Variants in KIR3DL1 observed in about 807,000 individuals in gnomAD.
KIR3DL1 encodes killer cell immunoglobulin like receptor, three Ig domains and long cytoplasmic tail 1, also known as killer cell immunoglobulin-like receptor 3DL1.
KIR3DL1 carries 50 observed loss-of-function variants against 40.3 expected under a neutral mutation model. That is an observed-to-expected ratio of 1.24 (90% CI 0.99 to 1.57). The LOEUF (loss-of-function observed/expected upper bound fraction) is 1.57, where lower values mean the gene tolerates loss of function less well. KIR3DL1 is among the 40% of genes most tolerant of loss of function. KIR3DL1 has a pLI of 0.00. For missense variants in KIR3DL1, 661 were observed against 559.9 expected, an observed-to-expected ratio of 1.18 and a Z score of -1.82; for synonymous variants, 257 against 207.2, an observed-to-expected ratio of 1.24 and a Z score of -2.07.
At chr19:54,826,028 G>C (rs1440424410) in intron 6 of KIR3DL1, among the ~76,000 whole-genome samples, 4 of 151,284 alleles carry the variant, frequency 2.6e-5, no homozygotes, top group Non-Finnish European at 5.9e-5. Flanking sequence ...GGATACCCTT[G>C]TTTTAAGTTC....
At chr19:54,830,317 C>A (rs752918235) in exon 9 of KIR3DL1, 3 of 1,504,734 alleles carry the variant, frequency 2.0e-6, no homozygotes, top group East Asian at 4.7e-5. Context: ...AGGGAGACAA[C>A]AGCCCTGTCT....
In KIR3DL1 at chr19:54,820,049, G is replaced by A. The variant is rs750949134; in HGVS notation, c.655+37G>A. On this transcript the variant is annotated intron_variant, in intron 4 of 8. Transcript: ENST00000391728. ...TAGACATTGTTCTCATTGTCACTGG[G>A]ACACAGAGTGAATGATCCAGGACTT... 4.4e-6 allele frequency: 7 copies of A among 1,590,760 alleles called. No homozygotes were observed. In the African/African-American group the frequency reaches 5.4e-5, roughly 12 times the overall value.
At position 54,826,124 on chromosome 19, in the gene KIR3DL1, G is replaced by A. The variant is rs1316067582; in HGVS notation, c.1000+1046G>A. ...GATATTCACAAGCTATGGAGGCCAG[G>A]ACAGGGACATTTTGGGGTGGGACAG... On this transcript the variant is annotated intron_variant, in intron 6 of 8. Coordinates refer to ENST00000391728, the Ensembl canonical transcript of KIR3DL1. 5.3e-5 allele frequency among the ~76,000 whole-genome samples: 8 copies of A among 150,642 alleles called. No homozygotes were observed. The East Asian group carries it at 1.6e-3, about 29-fold the overall frequency.
exon 9 of KIR3DL1, chr19:54,830,647 G>C (rs571018876): frequency 1.1e-5 from 3 of 261,992 alleles, no homozygotes; most frequent in Admixed American, 5.5e-5. Context: ...CCCACGTGCT[G>C]TTCCACCTTC....
exon 9 of KIR3DL1, chr19:54,830,377 G>C (rs114206508): frequency 0.19 from 241,461 of 1,286,114 alleles, 50,280 homozygotes; most frequent in Non-Finnish European, 0.21. Flanking sequence ...ATCTGAAGGC[G>C]TGAGTCTTCA....
At chr19:54,820,457 T>C (rs2061578249) in intron 4 of KIR3DL1, among the ~76,000 whole-genome samples, 2 of 151,502 alleles carry the variant, frequency 1.3e-5, no homozygotes, top group Non-Finnish European at 2.9e-5. Flanking sequence ...AGATGCCGTG[T>C]TTATTCTGAC....
chr19:54,819,603 G>C, intron 3 of KIR3DL1, 110 bp from the exon 4 acceptor site: 2 of 1,301,270 alleles, frequency 1.5e-6, no homozygotes, highest in Non-Finnish European at 2.1e-6. Context: ...CGGAGATGCA[G>C]AGAGGGAGGA....
intron 4 of KIR3DL1, among the ~76,000 whole-genome samples, chr19:54,820,762 GA>G (rs1228726579): frequency 6.6e-6 from 1 of 150,966 alleles, no homozygotes; most frequent in Non-Finnish European, 1.5e-5. Flanking sequence ...AAGGAGGAGA[GA>G]AAAGCCCCAA....
intron 5 of KIR3DL1, among the ~76,000 whole-genome samples, chr19:54,822,087 G>C (rs1423934159): frequency 6.6e-6 from 1 of 151,070 alleles, no homozygotes; most frequent in South Asian, 2.1e-4. Context: ...TGGAGAAAGC[G>C]GTCAGGACAG....
intron 4 of KIR3DL1, among the ~76,000 whole-genome samples, chr19:54,821,308 C>A (rs1375262249): frequency 2.0e-5 from 3 of 150,840 alleles, no homozygotes; most frequent in Non-Finnish European, 2.9e-5. Context: ...TCAAGTCAAC[C>A]AATCCAAGGA....
exon 9 of KIR3DL1, chr19:54,830,415 A>C: frequency 1.9e-6 from 2 of 1,043,296 alleles, no homozygotes; most frequent in Non-Finnish European, 2.8e-6. Context: ...TCCTCACGCC[A>C]CAAATCTGGT....
chr19:54,823,477 A>G (rs1233809292), intron 5 of KIR3DL1, among the ~76,000 whole-genome samples: 2 of 150,882 alleles, frequency 1.3e-5, no homozygotes, highest in African/African-American at 2.4e-5. Context: ...AGTAAAAGCC[A>G]TTTTACTTTA....
intron 7 of KIR3DL1, among the ~76,000 whole-genome samples, 198 bp from the exon 8 acceptor site, chr19:54,829,730 C>T (rs113530594): frequency 0.2 from 25,680 of 130,010 alleles, 3,827 homozygotes; most frequent in Middle Eastern, 0.29. Flanking sequence ...AAGTGGGAGA[C>T]AGAATCAATG....
At chr19:54,830,635 T>TA (rs2148223010) in exon 9 of KIR3DL1, 1 of 285,800 alleles carries the variant, frequency 3.5e-6, no homozygotes, top group African/African-American at 2.3e-5. Flanking sequence ...ACGTGGCACT[T>TA]ACCCACGTGC....
chr19:54,829,436 T>C lies in KIR3DL1; in HGVS notation c.1076T>C (p.Leu359Pro). ...CTCTTCATCCTCCTCCTCTTCTTTC[T>C]CCTTCATCTCTGGTGCTCCAACAAA... is the stretch of plus-strand genomic sequence containing the variant. The change falls in exon 7 of 9, where the codon CTC (leucine) becomes CCC (proline). Residue 359 changes from leucine to proline, a missense_variant. Leu to Pro is a moderately conservative substitution (Grantham distance 98). Transcript: ENST00000391728. The C allele has an allele frequency of 1.3e-6, 2 of 1,502,096 alleles. 1 individual carries two copies. The highest frequency in any genetic ancestry group is 1.8e-6 in the Non-Finnish European group (2 of 1,106,238). 93.0% of individuals were successfully genotyped at this position (1,502,096 alleles called of 1,614,324 possible).
At chr19:54,821,433 G>A in intron 4 of KIR3DL1, 132 bp from the exon 5 acceptor site, 2 of 1,197,658 alleles carry the variant, frequency 1.7e-6, no homozygotes, top group Non-Finnish European at 2.3e-6. Context: ...TATGAAGAGA[G>A]ATGGGGTGGA....
Position 54,818,897 on chromosome 19 carries a change from C to T in KIR3DL1, c.355+298C>T, listed in dbSNP as rs557728768. ...GATGGGGAGACAGCCTGGACTGTCC[C>T]ACTGGGCTCAGTGTAATCACAAGGG... On this transcript the variant is annotated intron_variant, in intron 3 of 8. Coordinates refer to ENST00000391728, the Ensembl canonical transcript of KIR3DL1. Among the ~76,000 whole-genome samples, 1,309 of 149,376 alleles carry T rather than the reference C, an allele frequency of 8.8e-3. 29 individuals are homozygous for T. The highest frequency in any genetic ancestry group is 0.031 in the African/African-American group (1,227 of 39,546).
At chr19:54,823,098 G>A (rs187387420) in intron 5 of KIR3DL1, among the ~76,000 whole-genome samples, 1,586 of 150,356 alleles carry the variant, frequency 0.011, 34 homozygotes, top group Non-Finnish European at 0.018. Flanking sequence ...TAAGTGGTGA[G>A]ATCTTGGCTC....
At chr19:54,820,065 T>C in intron 4 of KIR3DL1, 53 bp downstream of exon 4, 1 of 1,571,408 alleles carries the variant, frequency 6.4e-7, no homozygotes, top group Non-Finnish European at 8.7e-7. Flanking sequence ...GAGTGAATGA[T>C]CCAGGACTTG....
Sources: gnomAD v4.1 joint callset for allele counts (sites outside exome capture counted in the v4.1 genomes callset) on GRCh38, gnomAD v4.1.1 for gene constraint, MANE v1.5 for transcripts, NCBI Gene and HGNC (gene_info 2026-07-23, HGNC 2026-07-21) for gene names.